The following RNF111 variants were observed in gnomAD, a reference collection of about 807,000 sequenced individuals.
RNF111 encodes E3 ubiquitin-protein ligase Arkadia.
RNF111 carries 17 observed loss-of-function variants against 95.1 expected under a neutral mutation model. The observed-to-expected ratio is 0.18, with a 90% CI of 0.12 to 0.27. The LOEUF (loss-of-function observed/expected upper bound fraction) is 0.27, where lower values mean the gene tolerates loss of function less well. Ranked by LOEUF, RNF111 falls within the 10% of genes least tolerant of loss-of-function variation. RNF111 has a pLI of 1.00. For synonymous variants in RNF111, 440 were observed against 414.8 expected (o/e 1.06, Z -0.74); for missense variants, 1,189 against 1,210.4 (o/e 0.98, Z 0.26).
At chr15:59,058,715 T>A (rs1367398306) in intron 5 of RNF111, 165 bp downstream of exon 5, 1 of 643,760 alleles carries the variant, frequency 1.6e-6, no homozygotes, top group Admixed American at 2.9e-5. Flanking sequence ...ATTAGGCTGA[T>A]TTCATATTTG....
chr15:59,013,768 A>T (rs762673433), intron 1 of RNF111, among the ~76,000 whole-genome samples: 1 of 152,114 alleles, frequency 6.6e-6, no homozygotes, highest in African/African-American at 2.4e-5. Context: ...TTATATCAGT[A>T]TGGATTCATG....
intron 1 of RNF111, among the ~76,000 whole-genome samples, chr15:59,028,433 G>A (rs1596130512): frequency 6.6e-6 from 1 of 151,864 alleles, no homozygotes; most frequent in South Asian, 2.1e-4. Context: ...TTATAAATTA[G>A]GCAGAATAAG....
chr15:59,064,385 A>T (rs1233901040), intron 5 of RNF111, among the ~76,000 whole-genome samples: 1 of 151,802 alleles, frequency 6.6e-6, no homozygotes, highest in Non-Finnish European at 1.5e-5. Context: ...AATACAAAAA[A>T]ATTAGCCGGG....
rs188188553 is a variant in RNF111 at position 59,085,625 on chromosome 15, A to C, written c.2424-34A>C. ...TGTCTGTTGATAAAAAAGAGACCCTAAGGAGGATTAAACTGTTCTCATCCT... is the reference window on the plus strand; with the variant it reads ...TGTCTGTTGATAAAAAAGAGACCCTCAGGAGGATTAAACTGTTCTCATCCT... On this transcript the variant is annotated intron_variant, in intron 9 of 13. Coordinates refer to ENST00000348370, the MANE Select transcript of RNF111 (RefSeq NM_017610.8). The C allele has an allele frequency of 1.4e-5, 23 of 1,601,520 alleles. No homozygotes were observed. The Admixed American group carries it at 4.0e-4, about 28-fold the overall frequency.
chr15:59,017,867 C>G (rs2040145088), intron 1 of RNF111, among the ~76,000 whole-genome samples: 1 of 149,958 alleles, frequency 6.7e-6, no homozygotes, highest in Non-Finnish European at 1.5e-5. Context: ...AAACGATTCT[C>G]CTGCTTCAGC....
At chr15:59,006,520 A>C (rs2039545596) in intron 1 of RNF111, among the ~76,000 whole-genome samples, 1 of 152,164 alleles carries the variant, frequency 6.6e-6, no homozygotes, top group African/African-American at 2.4e-5. Context: ...ATTATGCAAA[A>C]TTGCAAACAG....
chr15:59,021,319 T>G (rs2040330704), intron 1 of RNF111, among the ~76,000 whole-genome samples: 1 of 152,004 alleles, frequency 6.6e-6, no homozygotes, highest in Admixed American at 6.6e-5. Flanking sequence ...CCCGGCTAAT[T>G]TTTGTATTTT....
chr15:59,069,073 CAA>C (rs397853868), intron 6 of RNF111, among the ~76,000 whole-genome samples: 18,882 of 88,906 alleles, frequency 0.21, 1,135 homozygotes, highest in East Asian at 0.38. Context: ...GACTCCGTCT[CAA>C]AAAAAAAAAA....
At position 59,085,642 on chromosome 15, in the gene RNF111, T is replaced by A; in HGVS notation, c.2424-17T>A. 6.2e-7 allele frequency: 1 copy of A among 1,612,018 alleles called. No individual in the cohort carries two copies. On this transcript the variant is annotated splice_polypyrimidine_tract_variant and intron_variant, in intron 9 of 13. Transcript: ENST00000348370. Reference sequence around the variant, plus strand: ...GAGACCCTAAGGAGGATTAAACTGTTCTCATCCTTTCGTTAGGGAACTGGG... The same window carrying A: ...GAGACCCTAAGGAGGATTAAACTGTACTCATCCTTTCGTTAGGGAACTGGG...
Position 59,070,209 on chromosome 15 carries a change from G to A in RNF111, c.1686+3126G>A, listed in dbSNP as rs1449889800. 4.0e-5 allele frequency among the ~76,000 whole-genome samples: 6 copies of A among 151,692 alleles called. No individual in the cohort carries two copies. The South Asian group carries it at 6.3e-4, about 16-fold the overall frequency. ...GTGTGATGCATCATTTATAATCTGTGTAAGCCAATTATTATGTCCCATCAC... is the reference window on the plus strand; with the variant it reads ...GTGTGATGCATCATTTATAATCTGTATAAGCCAATTATTATGTCCCATCAC... On this transcript the variant is annotated intron_variant, in intron 6 of 13. Transcript: ENST00000348370.
chr15:59,054,410 A>C (rs2042121071), intron 3 of RNF111, among the ~76,000 whole-genome samples: 1 of 152,180 alleles, frequency 6.6e-6, no homozygotes, highest in Non-Finnish European at 1.5e-5. Context: ...AAAGTACTGC[A>C]AAGTGGACCT....
At chr15:59,089,183 G>A (rs758402640) in intron 10 of RNF111, among the ~76,000 whole-genome samples, 1 of 152,074 alleles carries the variant, frequency 6.6e-6, no homozygotes, top group Non-Finnish European at 1.5e-5. Flanking sequence ...TCACACATAT[G>A]TAATCCATAA....
intron 5 of RNF111, among the ~76,000 whole-genome samples, chr15:59,064,603 C>T (rs1241494645): frequency 1.4e-5 from 2 of 142,940 alleles, no homozygotes; most frequent in Non-Finnish European, 3.0e-5. Flanking sequence ...CAATATTTAA[C>T]ATAATTCTAG....
At chr15:59,002,068 C>T (rs970430704) in intron 1 of RNF111, among the ~76,000 whole-genome samples, 3 of 152,154 alleles carry the variant, frequency 2.0e-5, no homozygotes, top group Non-Finnish European at 4.4e-5. Context: ...TGTAGGCATT[C>T]ATAAGCGGTT....
chr15:59,041,961 A>ATTTTTTTTTTTTTTTTTTTTTTT, intron 2 of RNF111, among the ~76,000 whole-genome samples: 1 of 100,106 alleles, frequency 1.0e-5, no homozygotes, highest in Non-Finnish European at 2.0e-5. Context: ...GTCTGTTCAT[A>ATTTTTTTTTTTTTTTTTTTTTTT]TTTTTTTTTT....
intron 8 of RNF111, 188 bp from the exon 9 acceptor site, chr15:59,083,941 A>T: frequency 2.9e-6 from 1 of 346,786 alleles, no homozygotes; most frequent in Non-Finnish European, 4.7e-6. Context: ...ATTTATGGAG[A>T]AGGTGATGGT....
intron 1 of RNF111, among the ~76,000 whole-genome samples, chr15:59,012,398 C>G (rs1198336870): frequency 6.6e-6 from 1 of 152,090 alleles, no homozygotes; most frequent in Admixed American, 6.6e-5. Flanking sequence ...CTTTGAAGTA[C>G]TACTTATCTG....
At chr15:58,993,687 T>C (rs1179043836) in intron 1 of RNF111, among the ~76,000 whole-genome samples, 1 of 152,244 alleles carries the variant, frequency 6.6e-6, no homozygotes, top group Non-Finnish European at 1.5e-5. Context: ...GTGCCAGTGC[T>C]TGAGTTAAAA....
intron 1 of RNF111, among the ~76,000 whole-genome samples, chr15:59,000,572 T>C (rs964413174): frequency 5.3e-5 from 8 of 152,080 alleles, no homozygotes; most frequent in African/African-American, 1.9e-4. Context: ...CAGCCAGGTA[T>C]GGTGGCGGGC....
Sources: gnomAD v4.1 joint callset for allele counts (sites outside exome capture counted in the v4.1 genomes callset) on GRCh38, gnomAD v4.1.1 for gene constraint, MANE v1.5 for transcripts, NCBI Gene and HGNC (gene_info 2026-07-23, HGNC 2026-07-21) for gene names.